Variants in KLKB1 observed in about 807,000 individuals in gnomAD.
KLKB1 encodes the protein kallikrein B1, also known as plasma kallikrein.
KLKB1 carries 58 observed loss-of-function variants against 73.6 expected under a neutral mutation model. That is an observed-to-expected ratio of 0.79 (90% CI 0.64 to 0.98). The LOEUF (loss-of-function observed/expected upper bound fraction) is 0.98. Among genes scored for constraint, KLKB1 ranks in the 50% least tolerant of loss-of-function variants. The pLI, the probability that KLKB1 is intolerant of heterozygous loss-of-function variation, is 0.00. For missense variants in KLKB1, 737 were observed against 763.8 expected, an observed-to-expected ratio of 0.96 and a Z score of 0.41; for synonymous variants, 280 against 258.1, an observed-to-expected ratio of 1.08 and a Z score of -0.81.
intron 11 of KLKB1, 42 bp from the exon 12 acceptor site, chr4:186,254,546 G>C (rs1254566100): frequency 6.6e-7 from 1 of 1,514,470 alleles, no homozygotes; most frequent in Admixed American, 1.7e-5. Context: ...ATTGAAGGAA[G>C]GACTGCCCAG....
At chr4:186,217,322 G>A (rs1272649282) in intron 2 of KLKB1, among the ~76,000 whole-genome samples, 1 of 152,048 alleles carries the variant, frequency 6.6e-6, no homozygotes, top group Non-Finnish European at 1.5e-5. Flanking sequence ...GTTTTCTGCT[G>A]AGCCTGGTAG....
rs777755728 is a variant in KLKB1, at chr4:186,258,105, C to T, written c.1810C>T (p.Arg604Cys). 102 of 1,613,936 alleles carry T rather than the reference C, an allele frequency of 6.3e-5. No homozygotes were observed. Among genetic ancestry groups the T allele is most frequent in the Non-Finnish European group, 8.1e-5 (96 of 1,179,996 alleles). ...CACCAGCTGGGGTGAAGGCTGTGCC[C>T]GCAGGGAGCAACCTGGTGTCTACAC... ...GITSWGEGCA[R>C]REQPGVYTKV... The change falls in exon 15 of 15, where the codon CGC (arginine) becomes TGC (cysteine). Residue 604 changes from arginine (R) to cysteine (C), a missense_variant. By Grantham distance (180) the Arg-to-Cys change is radical. Coordinates refer to ENST00000264690, the MANE Select transcript of KLKB1 (RefSeq NM_000892.5).
intron 4 of KLKB1, among the ~76,000 whole-genome samples, chr4:186,235,315 C>T (rs1183687792): frequency 6.6e-6 from 1 of 151,656 alleles, no homozygotes; most frequent in Non-Finnish European, 1.5e-5. Context: ...TATTCTAAAA[C>T]TCACTGTTAC....
At chr4:186,236,629 A>C in intron 4 of KLKB1, 152 bp from the exon 5 acceptor site, 1 of 675,616 alleles carries the variant, frequency 1.5e-6, no homozygotes, top group South Asian at 1.7e-5. Context: ...ATTTATGTAC[A>C]TAATAAAAAT....
In KLKB1 at chr4:186,245,824, G is replaced by GTTT. The variant is rs1402408736; in HGVS notation, c.599-4409_599-4407dup. The stretch of plus-strand genomic sequence containing the variant: ...GGAGTTTTTTTTTGTTTGTTTTTTG[G>GTTT]TTTTTTTTTTTTAATGTCAGGAGCT... On this transcript the variant is annotated intron_variant, in intron 6 of 14. Coordinates refer to ENST00000264690, the MANE Select transcript of KLKB1 (RefSeq NM_000892.5). 7.6e-3 allele frequency among the ~76,000 whole-genome samples: 833 copies of GTTT among 109,892 alleles called. 168 individuals are homozygous for GTTT. The highest frequency in any genetic ancestry group is 9.9e-3 in the Non-Finnish European group (504 of 50,752). The allele number at this position is 109,892 out of a possible 152,430, so 72.1% of individuals were successfully genotyped here. A position where few individuals can be genotyped will look rare whatever the true frequency, so the allele number is the denominator to read the frequency against.
Position 186,234,034 on chromosome 4 carries a change from AAGC to A in KLKB1, c.306_308del (p.Gln103del). 1 of 1,613,660 alleles carries A rather than the reference AAGC, an allele frequency of 6.2e-7. No individual in the cohort carries two copies. Among genetic ancestry groups the A allele is most frequent in the Non-Finnish European group, 8.5e-7 (1 of 1,179,568 alleles). On this transcript the variant is annotated inframe_deletion, in exon 4 of 15. Coordinates refer to ENST00000264690, the MANE Select transcript of KLKB1 (RefSeq NM_000892.5). The stretch of plus-strand genomic sequence containing the variant: ...AGGTGCAGTTTCTGGACATTCCTTG[AAGC>A]AATGTGGTCATCAAATAAGTGGTAA...
At chr4:186,230,215 CAG>C (rs1395076237) in intron 2 of KLKB1, among the ~76,000 whole-genome samples, 1 of 152,152 alleles carries the variant, frequency 6.6e-6, no homozygotes, top group African/African-American at 2.4e-5. Flanking sequence ...CAATCAAAAC[CAG>C]TATACAAACA....
chr4:186,245,764 C>T (rs1327437884), intron 6 of KLKB1, among the ~76,000 whole-genome samples: 2 of 147,306 alleles, frequency 1.4e-5, no homozygotes, highest in Non-Finnish European at 3.0e-5. Context: ...TAATTAAGTC[C>T]TCTTGTGGGG....
chr4:186,253,106 T>G (rs1738798332), intron 11 of KLKB1, among the ~76,000 whole-genome samples: 1 of 152,200 alleles, frequency 6.6e-6, no homozygotes, highest in Non-Finnish European at 1.5e-5. Flanking sequence ...GTAACGTTGT[T>G]GGGAAGATTA....
At chr4:186,255,329 G>A (rs1212422397) in intron 12 of KLKB1, among the ~76,000 whole-genome samples, 1 of 152,198 alleles carries the variant, frequency 6.6e-6, no homozygotes, top group Non-Finnish European at 1.5e-5. Context: ...GGGATGCCCA[G>A]GTGGGAGGAT....
chr4:186,241,516 A>G (rs946270251), intron 6 of KLKB1, among the ~76,000 whole-genome samples: 1 of 152,150 alleles, frequency 6.6e-6, no homozygotes, highest in Admixed American at 6.5e-5. Flanking sequence ...CTTGTGGTCC[A>G]TCTTCCTGCA....
intron 2 of KLKB1, among the ~76,000 whole-genome samples, chr4:186,214,947 C>G (rs1736844976): frequency 6.6e-6 from 1 of 152,198 alleles, no homozygotes; most frequent in African/African-American, 2.4e-5. Context: ...CATTATCTCT[C>G]CTCTTTACCC....
chr4:186,235,030 A>G (rs1737586922), intron 4 of KLKB1, among the ~76,000 whole-genome samples: 1 of 152,166 alleles, frequency 6.6e-6, no homozygotes, highest in Admixed American at 6.6e-5. Context: ...TCACCTCTTC[A>G]ATACGTACAC....
rs970171254 is a variant in KLKB1, at chr4:186,258,328, GA to G, written c.*121del. On this transcript the variant is annotated 3_prime_UTR_variant, in exon 15 of 15. Transcript: ENST00000264690. ...GGCATCTTCTTTGCATCCTAAGGAC[GA>G]AAAACACAGTGCACTCAGAGCTGCT... 2.4e-5 allele frequency: 22 copies of G among 926,254 alleles called. No individual in the cohort carries two copies. The highest frequency in any genetic ancestry group is 3.6e-5 in the Non-Finnish European group (21 of 579,256). 57.4% of individuals were successfully genotyped at this position (926,254 alleles called of 1,614,324 possible). A position where few individuals can be genotyped will look rare whatever the true frequency, so the allele number is the denominator to read the frequency against.
Sources: gnomAD v4.1 joint callset for allele counts (sites outside exome capture counted in the v4.1 genomes callset) on GRCh38, gnomAD v4.1.1 for gene constraint, MANE v1.5 for transcripts, NCBI Gene and HGNC (gene_info 2026-07-23, HGNC 2026-07-21) for gene names.